Variants in OLFML2A observed in about 807,000 individuals in gnomAD.
The protein encoded by OLFML2A is olfactomedin like 2A.
A neutral mutation model predicts 60.9 loss-of-function variants in OLFML2A; 47 were observed. The ratio of observed to expected loss-of-function variants is 0.77; its 90% CI spans 0.61 to 0.98. The LOEUF is 0.98. OLFML2A is among the 50% of genes least tolerant of loss of function. The probability of loss-of-function intolerance (pLI) is 0.00; values close to 1 mark genes in which losing one functional copy is unlikely to be tolerated. For missense variants in OLFML2A, 922 were observed against 879.8 expected, an observed-to-expected ratio of 1.05 and a Z score of -0.61; for synonymous variants, 372 against 375.0, an observed-to-expected ratio of 0.99 and a Z score of 0.09.
rs1048997474 is a variant in OLFML2A, at chr9:124,813,268, T to G, written c.*2856T>G. The G allele has an allele frequency of 7.2e-5, 11 of 152,210 alleles. No homozygotes were observed. The highest frequency in any genetic ancestry group is 1.9e-4 in the African/African-American group (8 of 41,434). 9.4% of individuals were successfully genotyped at this position (152,210 alleles called of 1,614,324 possible). ...CTGGCCAGTTTCTTCATTTTACATA[T>G]GGTCACATTGGCGCCTAGAACAGTT... On this transcript the variant is annotated 3_prime_UTR_variant, in exon 8 of 8. Coordinates refer to ENST00000373580, the MANE Select transcript of OLFML2A (RefSeq NM_182487.4).
intron 7 of OLFML2A, among the ~76,000 whole-genome samples, chr9:124,809,186 A>G (rs773499584): frequency 5.3e-5 from 8 of 151,968 alleles, no homozygotes; most frequent in Non-Finnish European, 7.4e-5. Context: ...GAAAAAAATA[A>G]AGGCCTGGAA....
intron 3 of OLFML2A, among the ~76,000 whole-genome samples, chr9:124,797,317 T>C (rs1841686195): frequency 6.6e-6 from 1 of 152,234 alleles, no homozygotes; most frequent in Admixed American, 6.5e-5. Context: ...TCATATTCCA[T>C]AGACTTTTTG....
rs762595612 is a variant in OLFML2A, at chr9:124,810,345, A to G, written c.1892A>G (p.Lys631Arg). 1.0e-5 allele frequency: 16 copies of G among 1,604,316 alleles called. No individual in the cohort carries two copies. The Admixed American group carries it at 2.5e-4, about 25-fold the overall frequency. Residue 631 changes from lysine (K) to arginine (R), a missense_variant, in exon 8 of 8, where the codon AAG becomes AGG. Physicochemically the swap from Lys to Arg is conservative, Grantham distance 26 (BLOSUM62 2). Transcript: ENST00000373580. ...AYTTQIDYNPKERVLYAWDNG... is the reference protein window; with the variant it reads ...AYTTQIDYNPRERVLYAWDNG... ...ACCACCCAGATCGACTACAACCCCAAGGAGCGGGTGCTGTACGCCTGGGAC... is the reference window on the plus strand; with the variant it reads ...ACCACCCAGATCGACTACAACCCCAGGGAGCGGGTGCTGTACGCCTGGGAC...
At chr9:124,804,377 C>T in intron 6 of OLFML2A, 35 bp downstream of exon 6, 7 of 1,499,610 alleles carry the variant, frequency 4.7e-6, no homozygotes, top group African/African-American at 1.4e-5. Context: ...CACACTGTAG[C>T]CTGTGCCCAA....
Position 124,810,291 on chromosome 9 carries a change from A to G in OLFML2A, c.1838A>G (p.Gln613Arg), listed in dbSNP as rs753145599. ...CACACGGGCACCGACGCACGCCCCCAGCTGCCGTTCCTCAACGAGCACGCC... is the reference window on the plus strand; with the variant it reads ...CACACGGGCACCGACGCACGCCCCCGGCTGCCGTTCCTCAACGAGCACGCC... ...DTHTGTDARP[Q>R]LPFLNEHAYT... The change falls in exon 8 of 8, where the codon CAG (glutamine) becomes CGG (arginine). Residue 613 changes from glutamine (Q) to arginine (R), a missense_variant. Gln to Arg is a conservative substitution (Grantham distance 43). Transcript: ENST00000373580. The G allele has an allele frequency of 3.7e-5, 59 of 1,609,822 alleles. No individual in the cohort carries two copies. The highest frequency in any genetic ancestry group is 4.9e-5 in the Non-Finnish European group (58 of 1,179,986).
chr9:124,805,808 G>GTTTTTTTTTTTTTTTT (rs59555267), intron 6 of OLFML2A, among the ~76,000 whole-genome samples: 1 of 71,282 alleles, frequency 1.4e-5, no homozygotes, highest in African/African-American at 5.4e-5. Context: ...GGTTTTTTTG[G>GTTTTTTTTTTTTTTTT]TTTTTTTTTT....
rs1841286516 is a variant in OLFML2A at position 124,777,887 on chromosome 9, C to T, written c.90+527C>T. Among the ~76,000 whole-genome samples the T allele has an allele frequency of 6.6e-6, 1 of 152,220 alleles. No homozygotes were observed. The highest frequency in any genetic ancestry group is 1.5e-5 in the Non-Finnish European group (1 of 68,034). ...CAGAAGTGGTCTGAGCTGTTCTCTGCTGTGGCTAAGAGGATCTGCTCTGGT... is the reference window on the plus strand; with the variant it reads ...CAGAAGTGGTCTGAGCTGTTCTCTGTTGTGGCTAAGAGGATCTGCTCTGGT... On this transcript the variant is annotated intron_variant, in intron 1 of 7. Coordinates refer to ENST00000373580, the MANE Select transcript of OLFML2A (RefSeq NM_182487.4). The surrounding 1 kb of genome is among the most constrained non-coding windows in gnomAD (Gnocchi z 6.2).
chr9:124,790,372 G>A (rs141833625), intron 2 of OLFML2A, among the ~76,000 whole-genome samples: 1,651 of 151,788 alleles, frequency 0.011, 28 homozygotes, highest in African/African-American at 0.038. Context: ...ATGGAGTTTC[G>A]CCATGTTGGC....
At chr9:124,783,532 G>C (rs574666264) in intron 1 of OLFML2A, among the ~76,000 whole-genome samples, 2 of 152,252 alleles carry the variant, frequency 1.3e-5, no homozygotes, top group East Asian at 1.9e-4. Flanking sequence ...GCTAGGCCCT[G>C]TTCTTTACTT....
In OLFML2A at chr9:124,809,937, T is replaced by C. The variant is rs554328491; in HGVS notation, c.1484T>C (p.Phe495Ser). The C allele has an allele frequency of 1.4e-5, 22 of 1,613,974 alleles. No homozygotes were observed. The highest frequency in any genetic ancestry group is 1.9e-5 in the Non-Finnish European group (22 of 1,179,996). Residue 495 changes from phenylalanine to serine, a missense_variant, in exon 8 of 8, where the codon TTC (phenylalanine) becomes TCC (serine). Transcript: ENST00000373580. Reference sequence around the variant, plus strand: ...ATCAAGTACGACCTACGGCAGCGCTTCGTGGCCTCCTGGGCGCTGCTGCCC... The same window carrying C: ...ATCAAGTACGACCTACGGCAGCGCTCCGTGGCCTCCTGGGCGCTGCTGCCC... ...NIIKYDLRQR[F>S]VASWALLPDV...
intron 1 of OLFML2A, among the ~76,000 whole-genome samples, chr9:124,784,063 G>A (rs984203036): frequency 1.3e-5 from 2 of 152,170 alleles, no homozygotes; most frequent in Non-Finnish European, 2.9e-5. Context: ...CTGCAGTGGA[G>A]AGAGCCATTG....
Position 124,801,656 on chromosome 9 carries a change from G to C in OLFML2A, c.912G>C (p.Ala304=), listed in dbSNP as rs773281458. 1 of 1,612,744 alleles carries C rather than the reference G, an allele frequency of 6.2e-7. No individual in the cohort carries two copies. Among genetic ancestry groups the C allele is most frequent in the South Asian group, 1.1e-5 (1 of 91,060 alleles). ...YKAGKQEVTE[A]VADNTLQGTS... ...CAGGCAAGCAGGAGGTGACCGAGGCGGTGGCAGGTGAGTAGGAGGGGAATG... is the reference window on the plus strand; with the variant it reads ...CAGGCAAGCAGGAGGTGACCGAGGCCGTGGCAGGTGAGTAGGAGGGGAATG... The change falls in exon 5 of 8, where the codon GCG becomes GCC. Residue 304 remains alanine (A), a synonymous_variant. Transcript: ENST00000373580.
chr9:124,804,226 C>A lies in OLFML2A; in HGVS notation c.1052C>A (p.Ala351Asp), dbSNP rs1259338574. 3.7e-6 allele frequency: 6 copies of A among 1,613,890 alleles called. No individual in the cohort carries two copies. The highest frequency in any genetic ancestry group is 5.1e-6 in the Non-Finnish European group (6 of 1,179,954). ...AGGTCCTCCGAGCGAGTGGACCTGG[C>A]TTCTGGCACCCCCACTTCAATCCCT... ...EPRSSERVDL[A>D]SGTPTSIPAT... The change falls in exon 6 of 8, where the codon GCT (alanine) becomes GAT (aspartate). Residue 351 changes from alanine (A) to aspartate (D), a missense_variant. Coordinates refer to ENST00000373580, the MANE Select transcript of OLFML2A (RefSeq NM_182487.4).
rs753162616 is a variant in OLFML2A at position 124,810,253 on chromosome 9, C to T, written c.1800C>T (p.Tyr600=). 30 of 1,612,522 alleles carry T rather than the reference C, an allele frequency of 1.9e-5. No individual in the cohort carries two copies. Among genetic ancestry groups the T allele is most frequent in the Admixed American group, 1.0e-4 (6 of 60,008 alleles). ...TYNQQEGQVA[Y]AFDTHTGTDA... ...ACCAGCAGGAAGGCCAGGTCGCCTA[C>T]GCTTTCGACACGCACACGGGCACCG... The change falls in exon 8 of 8, where the codon TAC becomes TAT. Residue 600 remains tyrosine (Y), a synonymous_variant. Coordinates refer to ENST00000373580, the MANE Select transcript of OLFML2A (RefSeq NM_182487.4).
chr9:124,806,266 A>T (rs1841896138), intron 6 of OLFML2A, among the ~76,000 whole-genome samples: 1 of 152,158 alleles, frequency 6.6e-6, no homozygotes, highest in Admixed American at 6.5e-5. Flanking sequence ...CATTTGTTTG[A>T]CATACTGCAG....
Position 124,807,895 on chromosome 9 carries a change from G to C in OLFML2A, c.1283G>C (p.Arg428Thr). The change falls in exon 7 of 8, where the codon AGG (arginine) becomes ACG (threonine). Residue 428 changes from arginine to threonine, a missense_variant. Transcript: ENST00000373580. ...AAGGACCCTGCAGCTCGAGACGACA[G>C]GATCTATGTCACCAACTACTACTAT... ...WMKDPAARDD[R>T]IYVTNYYYGN... The C allele has an allele frequency of 6.2e-7, 1 of 1,614,174 alleles. No homozygotes were observed. Among genetic ancestry groups the C allele is most frequent in the Non-Finnish European group, 8.5e-7 (1 of 1,180,026 alleles).
chr9:124,801,207 TAAA>T (rs1841768502), intron 4 of OLFML2A: 1 of 903,018 alleles, frequency 1.1e-6, no homozygotes, highest in Non-Finnish European at 1.7e-6. Flanking sequence ...GCAAGGGAGC[TAAA>T]GAGCTGGGTG....
intron 4 of OLFML2A, chr9:124,801,139 T>C (rs1841767141): frequency 7.5e-7 from 1 of 1,325,678 alleles, no homozygotes; most frequent in African/African-American, 1.5e-5. Flanking sequence ...CCAGGGGGAT[T>C]GGACAGGAGT....
chr9:124,810,160 GCTGCGGCGGAA>G lies in OLFML2A; in HGVS notation c.1710_1720del (p.Arg571LeufsTer103). The G allele has an allele frequency of 1.2e-6, 2 of 1,613,924 alleles. No individual in the cohort carries two copies. Among genetic ancestry groups the G allele is most frequent in the Non-Finnish European group, 1.7e-6 (2 of 1,180,014 alleles). ...ACCGGGAGACCACGTGGAAGACACGGCTGCGGCGGAACTCCTACGGGAACTGCTTCCTGGTG... is the reference window on the plus strand; with the variant it reads ...ACCGGGAGACCACGTGGAAGACACGGCTCCTACGGGAACTGCTTCCTGGTG... On this transcript the variant is annotated frameshift_variant, in exon 8 of 8. Coordinates refer to ENST00000373580, the MANE Select transcript of OLFML2A (RefSeq NM_182487.4). LOFTEE classifies it high-confidence loss of function.
Sources: gnomAD v4.1 joint callset for allele counts (sites outside exome capture counted in the v4.1 genomes callset) on GRCh38, gnomAD v4.1.1 for gene constraint, Gnocchi (gnomAD v3.1) non-coding constraint, MANE v1.5 for transcripts, NCBI Gene and HGNC (gene_info 2026-07-23, HGNC 2026-07-21) for gene names.